The following NAV1 variants were observed in gnomAD, a reference collection of about 807,000 sequenced individuals.
The protein encoded by NAV1 is pore membrane and/or filament interacting like protein 3.
A neutral mutation model predicts 175.2 loss-of-function variants in NAV1; 18 were observed. That is an observed-to-expected ratio of 0.10 (90% CI 0.07 to 0.15). The LOEUF is 0.15. Among genes scored for constraint, NAV1 ranks in the 10% least tolerant of loss-of-function variants. The pLI is 1.00. For missense variants in NAV1, 1,731 were observed against 2,436.6 expected (o/e 0.71, Z 6.10); for synonymous variants, 897 against 978.7 (o/e 0.92, Z 1.56).
intron 15 of NAV1, among the ~76,000 whole-genome samples, chr1:201,802,305 C>CAAAA (rs34854602): frequency 2.2e-4 from 9 of 40,050 alleles, no homozygotes; most frequent in East Asian, 9.4e-4. Context: ...AACACCTTCT[C>CAAAA]AAAAAAAAAA....
intron 3 of NAV1, among the ~76,000 whole-genome samples, chr1:201,747,702 C>T (rs1210575640): frequency 6.6e-6 from 1 of 152,232 alleles, no homozygotes; most frequent in East Asian, 1.9e-4. Flanking sequence ...CTCTTGTTTA[C>T]ATTATGCTAC....
chr1:201,621,158 G>T (rs1668156573), upstream of NAV1, among the ~76,000 whole-genome samples: 1 of 152,092 alleles, frequency 6.6e-6, no homozygotes, highest in Non-Finnish European at 1.5e-5. Context: ...GGACTCAAGG[G>T]ATCCTCCCCG....
chr1:201,564,266 C>A (rs1024214319), intron 1 of NAV1, among the ~76,000 whole-genome samples: 1 of 152,152 alleles, frequency 6.6e-6, no homozygotes, highest in Non-Finnish European at 1.5e-5. Context: ...CTCACCTCCT[C>A]CACTTTGTAG....
chr1:201,826,132 G>A (rs1679656175), exon 30 of NAV1: 1 of 152,210 alleles, frequency 6.6e-6, no homozygotes, highest in South Asian at 2.1e-4. Context: ...AACATACAGT[G>A]CTAGTAACAG....
intron 1 of NAV1, among the ~76,000 whole-genome samples, chr1:201,565,502 G>A (rs974574977): frequency 1.3e-5 from 2 of 152,208 alleles, no homozygotes; most frequent in African/African-American, 4.8e-5. Context: ...AGCGGGCATG[G>A]GGCCCGGCCC....
chr1:201,732,428 C>G (rs551622897), intron 3 of NAV1, among the ~76,000 whole-genome samples: 268 of 152,250 alleles, frequency 1.8e-3, no homozygotes, highest in African/African-American at 5.4e-3. Flanking sequence ...ATCCACCCAC[C>G]TTGGCCTCCC....
At chr1:201,644,719 T>C (rs1035709352), upstream of NAV1, among the ~76,000 whole-genome samples, 1 of 152,248 alleles carries the variant, frequency 6.6e-6, no homozygotes, top group African/African-American at 2.4e-5. Flanking sequence ...GGGAGGAGGC[T>C]TCTCTTATTG....
exon 30 of NAV1, chr1:201,824,912 CCTG>C (rs1401285748): frequency 1.3e-5 from 2 of 152,250 alleles, no homozygotes; most frequent in Non-Finnish European, 2.9e-5. Context: ...AATAAGCCCT[CCTG>C]GTGATTCTGA....
intron 1 of NAV1, among the ~76,000 whole-genome samples, chr1:201,702,372 A>T (rs991065476): frequency 6.6e-6 from 1 of 152,040 alleles, no homozygotes; most frequent in African/African-American, 2.4e-5. Flanking sequence ...TGTTTTTTTT[A>T]TTATTATTTT....
rs529479993 is a variant in NAV1 at position 201,718,368 on chromosome 1, G to T, written c.861-22G>T. The T allele has an allele frequency of 4.0e-6, 6 of 1,517,098 alleles. No individual in the cohort carries two copies. In the South Asian group the frequency reaches 7.9e-5, roughly 20 times the overall value. 94.0% of individuals were successfully genotyped at this position (1,517,098 alleles called of 1,614,324 possible). A position where few individuals can be genotyped will look rare whatever the true frequency, so the allele number is the denominator to read the frequency against. On this transcript the variant is annotated intron_variant, in intron 2 of 29. Coordinates refer to ENST00000367296, the Ensembl canonical transcript of NAV1. The surrounding 1 kb of genome is among the most constrained non-coding windows in gnomAD (Gnocchi z 4.8). Reference sequence around the variant, plus strand: ...CGGCGGCTGTGCCAAGGACTAAGTAGTGCCTTCTGCTCTCCACCCAGCTCC... The same window carrying T: ...CGGCGGCTGTGCCAAGGACTAAGTATTGCCTTCTGCTCTCCACCCAGCTCC...
chr1:201,629,524 A>AG lies in NAV1; in HGVS notation c.4+18dup. ...CCTGCATGGGTAAGTGATCTGGGGG[A>AG]GACTTCCTCCTAGGGTCGGGAGGCC... is the stretch of plus-strand genomic sequence containing the variant. On this transcript the variant is annotated intron_variant, in intron 2 of 29. Coordinates refer to the NAV1 transcript ENST00000367302. 1 of 1,299,132 alleles carries AG rather than the reference A, an allele frequency of 7.7e-7. No homozygotes were observed. 80.5% of individuals were successfully genotyped at this position (1,299,132 alleles called of 1,614,324 possible). A position where few individuals can be genotyped will look rare whatever the true frequency, so the allele number is the denominator to read the frequency against.
At chr1:201,695,846 G>A (rs966192873) in intron 1 of NAV1, among the ~76,000 whole-genome samples, 1 of 152,214 alleles carries the variant, frequency 6.6e-6, no homozygotes, top group African/African-American at 2.4e-5. Flanking sequence ...CCACCACCCC[G>A]GCAGGAGCTC....
At chr1:201,627,115 G>A (rs779809386) in intron 1 of NAV1, among the ~76,000 whole-genome samples, 1 of 152,112 alleles carries the variant, frequency 6.6e-6, no homozygotes, top group Non-Finnish European at 1.5e-5. Context: ...ATTTACTGGA[G>A]ACAGATTCTT....
chr1:201,728,688 T>C (rs1269837060), intron 3 of NAV1, among the ~76,000 whole-genome samples: 2 of 151,430 alleles, frequency 1.3e-5, no homozygotes, highest in Non-Finnish European at 1.5e-5. Flanking sequence ...CTCAAACTCC[T>C]GGGCTCAAGC....
At chr1:201,816,065 C>T (rs1679012072) in intron 28 of NAV1, among the ~76,000 whole-genome samples, 1 of 151,108 alleles carries the variant, frequency 6.6e-6, no homozygotes, top group East Asian at 2.0e-4. Context: ...GTTCTCACCA[C>T]ACACACAGAA....
rs777299239 is a variant in NAV1, at chr1:201,782,425, C to T, written c.1913C>T (p.Pro638Leu). The stretch of plus-strand genomic sequence containing the variant: ...AAGATCCAGAAGTCCTCAGGCATCC[C>T]TGTCAAGCCAGTAAATGGGCGCAAG... The change falls in exon 6 of 30, where the codon CCT (proline) becomes CTT (leucine). Residue 638 changes from proline to leucine, a missense_variant. Physicochemically the swap from Pro to Leu is moderately conservative, Grantham distance 98 (BLOSUM62 -3). Coordinates refer to ENST00000367296, the Ensembl canonical transcript of NAV1. The surrounding 1 kb of genome is among the most constrained non-coding windows in gnomAD (Gnocchi z 5.4). 1 of 1,614,126 alleles carries T rather than the reference C, an allele frequency of 6.2e-7. No individual in the cohort carries two copies. Among genetic ancestry groups the T allele is most frequent in the East Asian group, 2.2e-5 (1 of 44,866 alleles).
chr1:201,587,561 G>A (rs1190431872), intron 1 of NAV1, among the ~76,000 whole-genome samples: 3 of 152,070 alleles, frequency 2.0e-5, no homozygotes, highest in Non-Finnish European at 2.9e-5. Flanking sequence ...TGGTGTGCCT[G>A]TAGTCCTGGC....
At chr1:201,628,356 C>A (rs1668394552) in intron 1 of NAV1, among the ~76,000 whole-genome samples, 1 of 152,054 alleles carries the variant, frequency 6.6e-6, no homozygotes, top group African/African-American at 2.4e-5. Context: ...ACCTCACAAC[C>A]CTAGACTGTA....
Position 201,788,753 on chromosome 1 carries a change from T to C in NAV1, c.3166+115T>C. 7.9e-7 allele frequency: 1 copy of C among 1,268,428 alleles called. No homozygotes were observed. The highest frequency in any genetic ancestry group is 1.1e-6 in the Non-Finnish European group (1 of 926,130). 78.6% of individuals were successfully genotyped at this position (1,268,428 alleles called of 1,614,324 possible). ...ACACACATATATGATTCACAGAACA[T>C]CAAGTTGGGCCATTTCAGTTTTTTC... On this transcript the variant is annotated intron_variant, in intron 10 of 29. Transcript: ENST00000367296. This position sits in a 1 kb window ranked among gnomAD's most constrained non-coding sequence, Gnocchi z 5.7.
Sources: gnomAD v4.1 joint callset for allele counts (sites outside exome capture counted in the v4.1 genomes callset) on GRCh38, gnomAD v4.1.1 for gene constraint, Gnocchi (gnomAD v3.1) non-coding constraint, MANE v1.5 for transcripts, NCBI Gene and HGNC (gene_info 2026-07-23, HGNC 2026-07-21) for gene names.